Variants in DIS3L2 observed in about 807,000 individuals in gnomAD.
DIS3L2 encodes the protein DIS3-like exonuclease 2.
DIS3L2 carries 34 observed loss-of-function variants against 97.5 expected under a neutral mutation model. That is an observed-to-expected ratio of 0.35 (90% CI 0.27 to 0.46). DIS3L2 has a LOEUF of 0.46. Among genes scored for constraint, DIS3L2 ranks in the 20% least tolerant of loss-of-function variants. The probability of loss-of-function intolerance (pLI) is 1.00; values close to 1 mark genes in which losing one functional copy is unlikely to be tolerated. For missense variants in DIS3L2, 1,038 were observed against 1,146.0 expected (o/e 0.91, Z 1.36); for synonymous variants, 435 against 445.2 (o/e 0.98, Z 0.29).
intron 5 of DIS3L2, among the ~76,000 whole-genome samples, chr2:232,063,449 A>G (rs1019929114): frequency 3.9e-5 from 6 of 152,138 alleles, no homozygotes; most frequent in African/African-American, 1.4e-4. Flanking sequence ...CCTCCTTGGC[A>G]AGGATGAGCT....
chr2:232,006,817 A>G (rs745508782), intron 1 of DIS3L2, among the ~76,000 whole-genome samples: 2 of 151,940 alleles, frequency 1.3e-5, no homozygotes, highest in Non-Finnish European at 2.9e-5. Context: ...AAGGGTGAAG[A>G]ATTTGTATTA....
chr2:232,121,440 TC>T (rs1366670904), intron 6 of DIS3L2, among the ~76,000 whole-genome samples: 1 of 152,196 alleles, frequency 6.6e-6, no homozygotes, highest in Non-Finnish European at 1.5e-5. Flanking sequence ...AAGAGTCTAC[TC>T]ATTCATTTGC....
chr2:232,205,238 A>ATATATATATATAT (rs1691998820), intron 9 of DIS3L2, among the ~76,000 whole-genome samples: 3 of 144,240 alleles, frequency 2.1e-5, no homozygotes, highest in African/African-American at 5.1e-5. Context: ...ATATATATAT[A>ATATATATATATAT]AAATGCAGTG....
intron 12 of DIS3L2, among the ~76,000 whole-genome samples, chr2:232,256,665 C>T (rs999113611): frequency 6.6e-6 from 1 of 152,182 alleles, no homozygotes; most frequent in African/African-American, 2.4e-5. Flanking sequence ...TTCTTGGAAA[C>T]GAGAGAGGCT....
intron 10 of DIS3L2, among the ~76,000 whole-genome samples, chr2:232,227,052 G>C (rs1692670397): frequency 6.6e-6 from 1 of 152,080 alleles, no homozygotes; most frequent in African/African-American, 2.4e-5. Context: ...GGACAGCTCA[G>C]AAATAGAAAG....
At chr2:232,141,411 G>T (rs1317053990) in intron 8 of DIS3L2, among the ~76,000 whole-genome samples, 1 of 152,092 alleles carries the variant, frequency 6.6e-6, no homozygotes, top group Non-Finnish European at 1.5e-5. Context: ...GACATGAATC[G>T]ACCTAGAGCA....
At position 232,276,117 on chromosome 2, in the gene DIS3L2, C is replaced by T. The variant is rs543686515; in HGVS notation, c.1659+12677C>T. 2.0e-5 allele frequency among the ~76,000 whole-genome samples: 3 copies of T among 152,282 alleles called. No homozygotes were observed. The highest frequency in any genetic ancestry group is 7.2e-5 in the African/African-American group (3 of 41,556). On this transcript the variant is annotated intron_variant, in intron 13 of 20. Transcript: ENST00000325385. This position sits in a 1 kb window ranked among gnomAD's most constrained non-coding sequence, Gnocchi z 4.4. ...AGGGCAACACCCAGGGAGGGAATCC[C>T]AACAGGTTTCTTATCTGCTTGTCAG... is the stretch of plus-strand genomic sequence containing the variant.
chr2:232,220,749 A>G (rs1009301522), intron 10 of DIS3L2, among the ~76,000 whole-genome samples: 1 of 152,108 alleles, frequency 6.6e-6, no homozygotes, highest in African/African-American at 2.4e-5. Context: ...ATAAAAATCT[A>G]AGTATTCCTT....
chr2:232,174,022 G>A (rs1354181450), intron 9 of DIS3L2, among the ~76,000 whole-genome samples: 1 of 152,014 alleles, frequency 6.6e-6, no homozygotes, highest in African/African-American at 2.4e-5. Flanking sequence ...GATCAGTTTG[G>A]GGAGCATTTC....
chr2:232,195,307 A>C (rs1691722731), intron 9 of DIS3L2, among the ~76,000 whole-genome samples: 1 of 152,206 alleles, frequency 6.6e-6, no homozygotes, highest in African/African-American at 2.4e-5. Context: ...AGATAGAGCC[A>C]ATTAGTCAAG....
chr2:231,981,651 A>G (rs1268286516), intron 1 of DIS3L2, among the ~76,000 whole-genome samples: 3 of 143,068 alleles, frequency 2.1e-5, no homozygotes, highest in African/African-American at 5.1e-5. Flanking sequence ...ACATATTTAC[A>G]TATTATATAT....
At position 231,979,447 on chromosome 2, in the gene DIS3L2, G is replaced by C. The variant is rs1436727629; in HGVS notation, c.-94+17682G>C. ...AATTTTTGTATTTTTTGTAGAGATG[G>C]GGTTTCACCATGTTGCCCAGGCTGG... On this transcript the variant is annotated intron_variant, in intron 1 of 20. Transcript: ENST00000325385. Among the ~76,000 whole-genome samples, 12 of 152,066 alleles carry C rather than the reference G, an allele frequency of 7.9e-5. No homozygotes were observed. The South Asian group carries it at 2.3e-3, about 29-fold the overall frequency.
intron 5 of DIS3L2, among the ~76,000 whole-genome samples, chr2:232,078,048 T>A (rs559756605): frequency 8.0e-4 from 120 of 149,656 alleles, no homozygotes; most frequent in Non-Finnish European, 1.5e-3. Flanking sequence ...TTTCTTTTTT[T>A]TTTTTTATTT....
Position 232,270,906 on chromosome 2 carries a change from C to CTG in DIS3L2, c.1659+7467_1659+7468insGT, listed in dbSNP as rs1306544684. Among the ~76,000 whole-genome samples, 170 of 135,300 alleles carry CTG rather than the reference C, an allele frequency of 1.3e-3. 1 individual carries two copies. The highest frequency in any genetic ancestry group is 4.7e-3 in the African/African-American group (158 of 33,904). The allele number at this position is 135,300 out of a possible 152,430, so 88.8% of individuals were successfully genotyped here. On this transcript the variant is annotated intron_variant, in intron 13 of 20. Transcript: ENST00000325385. Reference sequence around the variant, plus strand: ...TCTCTCTCTCTCTCTCTCTCTCTCTCTCTCTCTCTGTCTCGTCTCTCTCTC... The same window carrying CTG: ...TCTCTCTCTCTCTCTCTCTCTCTCTCTGTCTCTCTCTGTCTCGTCTCTCTCTC...
At position 232,263,211 on chromosome 2, in the gene DIS3L2, T is replaced by G. The variant is rs201719374; in HGVS notation, c.1430T>G (p.Leu477Arg). ...GTAATCTGTCCATCTTTGCAGATCC[T>G]TGATGAATGGTTTGGCCGGACCATC... ...IWTLTPEGKI[L>R]DEWFGRTIIR... is the part of the protein sequence containing the mutation. Residue 477 changes from leucine to arginine, a missense_variant, in exon 13 of 21, where the codon CTT becomes CGT. Physicochemically the swap from Leu to Arg is moderately radical, Grantham distance 102. This residue lies in a region of DIS3L2 where 813 missense variants were observed against 880.1 expected (regional missense o/e 0.92). Transcript: ENST00000325385. The G allele has an allele frequency of 7.1e-5, 115 of 1,614,122 alleles. No homozygotes were observed. The highest frequency in any genetic ancestry group is 6.9e-5 in the Non-Finnish European group (81 of 1,180,030).
At chr2:232,143,780 G>T (rs961229382) in intron 8 of DIS3L2, among the ~76,000 whole-genome samples, 1 of 151,914 alleles carries the variant, frequency 6.6e-6, no homozygotes, top group African/African-American at 2.4e-5. Context: ...AGATTAAGAA[G>T]TATAACATCA....
intron 11 of DIS3L2, among the ~76,000 whole-genome samples, chr2:232,243,408 C>T (rs959253883): frequency 6.6e-6 from 1 of 152,030 alleles, no homozygotes; most frequent in Non-Finnish European, 1.5e-5. Context: ...GGTCTCCTTC[C>T]ACCAAGATAG....
chr2:232,025,605 G>A (rs1486922010), intron 4 of DIS3L2, among the ~76,000 whole-genome samples: 1 of 152,122 alleles, frequency 6.6e-6, no homozygotes, highest in Non-Finnish European at 1.5e-5. Flanking sequence ...TTGTAAAATT[G>A]GGTTGTAGAA....
chr2:232,291,673 C>T (rs1034130293), intron 13 of DIS3L2, among the ~76,000 whole-genome samples: 1 of 152,246 alleles, frequency 6.6e-6, no homozygotes, highest in Non-Finnish European at 1.5e-5. Context: ...CCAGTGACCT[C>T]CCTCATTACA....
Sources: allele counts gnomAD v4.1 joint callset (sites outside exome capture counted in the v4.1 genomes callset), GRCh38; gene constraint gnomAD v4.1.1; regional missense constraint gnomAD v4.1.1; non-coding constraint Gnocchi (gnomAD v3.1); transcripts MANE v1.5; gene names NCBI Gene and HGNC (gene_info 2026-07-23, HGNC 2026-07-21).